Variants in BDP1 observed in about 807,000 individuals in gnomAD.
BDP1 encodes the protein transcription factor TFIIIB component B'' homolog.
Under a neutral mutation model 266.6 loss-of-function variants are expected in BDP1, and 169 were observed. The observed-to-expected ratio is 0.63, with a 90% CI of 0.56 to 0.72. BDP1 has a LOEUF of 0.72. Ranked by LOEUF, BDP1 falls within the 30% of genes least tolerant of loss-of-function variation. BDP1 has a pLI of 0.00. For missense variants in BDP1, 3,015 were observed against 3,053.8 expected (o/e 0.99, Z 0.30); for synonymous variants, 1,090 against 1,022.4 (o/e 1.07, Z -1.26).
At chr5:71,495,218 C>G in intron 11 of BDP1, 32 bp from the exon 12 acceptor site, 2 of 1,379,540 alleles carry the variant, frequency 1.4e-6, no homozygotes, top group Non-Finnish European at 2.0e-6. Flanking sequence ...ATTAGGAATT[C>G]TTTTCTCTCT....
intron 38 of BDP1, 74 bp from the exon 39 acceptor site, chr5:71,564,680 A>G (rs539515948): frequency 1.0e-5 from 13 of 1,303,360 alleles, no homozygotes; most frequent in African/African-American, 6.1e-5. Flanking sequence ...TTAGACTGCT[A>G]TATATACACA....
chr5:71,530,325 C>T (rs983611439), intron 25 of BDP1, among the ~76,000 whole-genome samples: 1 of 152,142 alleles, frequency 6.6e-6, no homozygotes, highest in African/African-American at 2.4e-5. Flanking sequence ...ACCCCCGCCT[C>T]CCAGGCTCAA....
At chr5:71,456,614 A>G (rs1286091794) in intron 1 of BDP1, among the ~76,000 whole-genome samples, 1 of 152,270 alleles carries the variant, frequency 6.6e-6, no homozygotes, top group East Asian at 1.9e-4. Flanking sequence ...AGCGTCATGT[A>G]TCATATTTGG....
At chr5:71,511,198 G>A (rs1217362681) in intron 17 of BDP1, 47 bp downstream of exon 17, 1 of 1,521,102 alleles carries the variant, frequency 6.6e-7, no homozygotes, top group East Asian at 2.3e-5. Flanking sequence ...GCTTTTTTCA[G>A]AGGAAATAAA....
Position 71,455,953 on chromosome 5 carries a change from A to G in BDP1, c.76A>G (p.Asn26Asp). 1 of 1,613,022 alleles carries G rather than the reference A, an allele frequency of 6.2e-7. No homozygotes were observed. Among genetic ancestry groups the G allele is most frequent in the Non-Finnish European group, 8.5e-7 (1 of 1,179,780 alleles). ...GVGARGSTAS[N>D]PQRGRESPRP... ...AGGCGCCAGGGGCTCCACAGCTTCCAATCCCCAGCGTGGACGGGAGTCTCC... is the reference window on the plus strand; with the variant it reads ...AGGCGCCAGGGGCTCCACAGCTTCCGATCCCCAGCGTGGACGGGAGTCTCC... The change falls in exon 1 of 39, where the codon AAT becomes GAT. Residue 26 changes from asparagine (N) to aspartate (D), a missense_variant. Asn to Asp is a conservative substitution (Grantham distance 23, BLOSUM62 1). Transcript: ENST00000358731.
In BDP1 at chr5:71,532,290, A is replaced by G; in HGVS notation, c.5773-18A>G. On this transcript the variant is annotated intron_variant, in intron 25 of 38. Transcript: ENST00000358731. ...TTATAATATGCCAAAATGAAATGAT[A>G]AAACTTTATTTTGACAGCTTGAAAT... 1 of 1,610,812 alleles carries G rather than the reference A, an allele frequency of 6.2e-7. No homozygotes were observed. The highest frequency in any genetic ancestry group is 1.3e-5 in the African/African-American group (1 of 74,990).
Position 71,544,434 on chromosome 5 carries a change from G to A in BDP1, c.6490G>A (p.Asp2164Asn). The change falls in exon 31 of 39, where the codon GAT (aspartate) becomes AAT (asparagine). Residue 2164 changes from aspartate to asparagine, a missense_variant. This residue lies in a region of BDP1 where 629 missense variants were observed against 632.5 expected (regional missense o/e 0.99). Coordinates refer to ENST00000358731, the MANE Select transcript of BDP1 (RefSeq NM_018429.3). Reference protein sequence around the residue: ...LGPVTTAENKDQSKLACVHGI... With the variant: ...LGPVTTAENKNQSKLACVHGI... ...ACCAGTTACAACAGCAGAGAATAAG[G>A]ATCAGAGCAAATTGGCATGTGTACA... is the stretch of plus-strand genomic sequence containing the variant. The A allele has an allele frequency of 6.2e-7, 1 of 1,614,078 alleles. No homozygotes were observed. Among genetic ancestry groups the A allele is most frequent in the Non-Finnish European group, 8.5e-7 (1 of 1,179,974 alleles).
chr5:71,550,474 T>C (rs1742667433), intron 34 of BDP1, among the ~76,000 whole-genome samples: 1 of 152,110 alleles, frequency 6.6e-6, no homozygotes, highest in African/African-American at 2.4e-5. Flanking sequence ...AAATTTTTTT[T>C]TTCTTTTTTC....
chr5:71,533,890 T>C (rs1386853150), intron 26 of BDP1, among the ~76,000 whole-genome samples: 1 of 152,210 alleles, frequency 6.6e-6, no homozygotes, highest in Non-Finnish European at 1.5e-5. Flanking sequence ...TTGTATATCA[T>C]CTTTGAGAAA....
At chr5:71,570,716 A>G (rs111989034), downstream of BDP1, among the ~76,000 whole-genome samples, 1,412 of 152,380 alleles carry the variant, frequency 9.3e-3, 12 homozygotes, top group Non-Finnish European at 0.015. Context: ...AATGAGGTCA[A>G]GGGGCCTAAT....
At chr5:71,562,225 A>AAATTTTT in intron 37 of BDP1, 49 bp from the exon 38 acceptor site, 3 of 1,014,976 alleles carry the variant, frequency 3.0e-6, no homozygotes, top group Non-Finnish European at 2.8e-6. Flanking sequence ...AAAAAAAAAG[A>AAATTTTT]ATGTGTCTTC....
At chr5:71,469,815 C>T (rs1579994001) in intron 6 of BDP1, among the ~76,000 whole-genome samples, 1 of 150,432 alleles carries the variant, frequency 6.6e-6, no homozygotes, top group East Asian at 1.9e-4. Flanking sequence ...CAGGGTTTCA[C>T]CATGTTGGCC....
chr5:71,555,996 C>T (rs1743192362), intron 35 of BDP1, among the ~76,000 whole-genome samples: 1 of 150,292 alleles, frequency 6.7e-6, no homozygotes. Context: ...TATTCAAAAA[C>T]ATGGTATGTC....
chr5:71,504,494 T>G, intron 15 of BDP1, 127 bp from the exon 16 acceptor site: 2 of 816,344 alleles, frequency 2.4e-6, no homozygotes, highest in Non-Finnish European at 3.8e-6. Flanking sequence ...ATTAAAAGTA[T>G]TTTAAAGTCT....
At chr5:71,474,538 C>T (rs1254754773) in intron 7 of BDP1, among the ~76,000 whole-genome samples, 1 of 151,914 alleles carries the variant, frequency 6.6e-6, no homozygotes, top group African/African-American at 2.4e-5. Flanking sequence ...CATCAGGTTG[C>T]TCAGGTGGGT....
chr5:71,541,774 A>G (rs1766984539), intron 29 of BDP1, 92 bp downstream of exon 29: 1 of 806,940 alleles, frequency 1.2e-6, no homozygotes, highest in South Asian at 2.3e-5. Flanking sequence ...AAAGTAGGCA[A>G]TGCTAATTTC....
At chr5:71,484,162 TG>T (rs964151583) in intron 8 of BDP1, among the ~76,000 whole-genome samples, 1 of 152,158 alleles carries the variant, frequency 6.6e-6, no homozygotes, top group Non-Finnish European at 1.5e-5. Context: ...CACTTCTAAG[TG>T]TTATTTATTC....
Position 71,455,984 on chromosome 5 carries a change from C to T in BDP1, c.107C>T (p.Pro36Leu), listed in dbSNP as rs1335488597. Residue 36 changes from proline to leucine, a missense_variant, in exon 1 of 39, where the codon CCG becomes CTG. Transcript: ENST00000358731. ...CAGCGTGGACGGGAGTCTCCCAGGC[C>T]GCCGGATCCTGCCACGGACTCTGCT... ...NPQRGRESPR[P>L]PDPATDSASK... 2 of 1,613,386 alleles carry T rather than the reference C, an allele frequency of 1.2e-6. No homozygotes were observed. Among genetic ancestry groups the T allele is most frequent in the Non-Finnish European group, 1.7e-6 (2 of 1,179,952 alleles).
intron 31 of BDP1, 75 bp from the exon 32 acceptor site, chr5:71,544,964 T>C: frequency 7.2e-7 from 1 of 1,381,956 alleles, no homozygotes; most frequent in Non-Finnish European, 1.0e-6. Flanking sequence ...AGATGATCTT[T>C]TACACACCTA....
Sources: gnomAD v4.1 joint callset for allele counts (sites outside exome capture counted in the v4.1 genomes callset) on GRCh38, gnomAD v4.1.1 for gene constraint, gnomAD v4.1.1 regional missense constraint, MANE v1.5 for transcripts, NCBI Gene and HGNC (gene_info 2026-07-23, HGNC 2026-07-21) for gene names.